Variants in GALNTL6 observed in about 807,000 individuals in gnomAD.
The protein encoded by GALNTL6 is polypeptide N-acetylgalactosaminyltransferase-like 6.
GALNTL6 carries 46 observed loss-of-function variants against 73.7 expected under a neutral mutation model. The observed-to-expected ratio is 0.62, with a 90% CI of 0.49 to 0.80. GALNTL6 has a LOEUF of 0.80. Ranked by LOEUF, GALNTL6 falls within the 30% of genes least tolerant of loss-of-function variation. The pLI is 0.00. For synonymous variants in GALNTL6, 259 were observed against 263.7 expected (o/e 0.98, Z 0.17); for missense variants, 604 against 755.0 (o/e 0.80, Z 2.34).
In GALNTL6 at chr4:172,955,403, G is replaced by A. The variant is rs191273436; in HGVS notation, c.1371+3145G>A. ...TGAGGTAGGAGAATCGCTTGAACCC[G>A]GGAGGTGCCACTGCACTCCAGCCTG... is the stretch of plus-strand genomic sequence containing the variant. On this transcript the variant is annotated intron_variant, in intron 10 of 12. Coordinates refer to ENST00000506823, the MANE Select transcript of GALNTL6 (RefSeq NM_001034845.3). Among the ~76,000 whole-genome samples, 15 of 151,946 alleles carry A rather than the reference G, an allele frequency of 9.9e-5. No homozygotes were observed. In the East Asian group the frequency reaches 2.9e-3, roughly 29 times the overall value.
intron 2 of GALNTL6, among the ~76,000 whole-genome samples, chr4:172,176,608 A>G (rs1267268711): frequency 2.6e-5 from 4 of 151,898 alleles, no homozygotes; most frequent in Non-Finnish European, 5.9e-5. Flanking sequence ...TGGACAACAT[A>G]GTGAGACTCT....
intron 10 of GALNTL6, among the ~76,000 whole-genome samples, chr4:172,973,293 C>A (rs542710740): frequency 1.3e-5 from 2 of 152,172 alleles, no homozygotes; most frequent in Non-Finnish European, 2.9e-5. Flanking sequence ...AACGTGAAAG[C>A]ATTTTAGACA....
At chr4:172,715,097 CAA>C (rs147483524) in intron 5 of GALNTL6, among the ~76,000 whole-genome samples, 3 of 150,268 alleles carry the variant, frequency 2.0e-5, no homozygotes, top group African/African-American at 4.9e-5. Flanking sequence ...ATGATTTCAA[CAA>C]AAAAAAATGG....
intron 5 of GALNTL6, among the ~76,000 whole-genome samples, chr4:172,728,037 C>T (rs35184155): frequency 0.45 from 67,831 of 151,764 alleles, 17,611 homozygotes; most frequent in East Asian, 0.68. Context: ...CTCAGCCTCC[C>T]GACTAGCTGG....
intron 4 of GALNTL6, among the ~76,000 whole-genome samples, chr4:172,329,711 C>A (rs910115975): frequency 1.1e-4 from 17 of 152,148 alleles, no homozygotes; most frequent in African/African-American, 4.1e-4. Flanking sequence ...ACCTCAGACC[C>A]CCTAGAGCCC....
At position 172,476,948 on chromosome 4, in the gene GALNTL6, AGAGT is replaced by A. The variant is rs1456257243; in HGVS notation, c.553+128260_553+128263del. Among the ~76,000 whole-genome samples the A allele has an allele frequency of 3.2e-4, 46 of 141,678 alleles. No individual in the cohort carries two copies. In the East Asian group the frequency reaches 7.6e-3, roughly 23 times the overall value. 92.9% of individuals were successfully genotyped at this position (141,678 alleles called of 152,430 possible). A position where few individuals can be genotyped will look rare whatever the true frequency, so the allele number is the denominator to read the frequency against. ...TTTTTTTTTTTTTTTTTTTTGAGAC[AGAGT>A]CTTGCTCTGTCGCCCAGGCTAGAGT... On this transcript the variant is annotated intron_variant, in intron 5 of 12. Coordinates refer to ENST00000506823, the MANE Select transcript of GALNTL6 (RefSeq NM_001034845.3).
intron 2 of GALNTL6, among the ~76,000 whole-genome samples, chr4:171,940,283 C>CA (rs1467918754): frequency 6.6e-6 from 1 of 151,648 alleles, no homozygotes; most frequent in Non-Finnish European, 1.5e-5. Flanking sequence ...TATTGATAAT[C>CA]AAAGAGTGGG....
intron 5 of GALNTL6, among the ~76,000 whole-genome samples, chr4:172,452,246 G>T (rs1238876188): frequency 2.6e-5 from 4 of 151,668 alleles, no homozygotes; most frequent in Admixed American, 1.3e-4. Flanking sequence ...TAAGACAGAT[G>T]AATCTATACT....
At chr4:172,918,407 T>G (rs1237774785) in intron 8 of GALNTL6, among the ~76,000 whole-genome samples, 1 of 151,902 alleles carries the variant, frequency 6.6e-6, no homozygotes, top group African/African-American at 2.4e-5. Context: ...TAAAATAAAA[T>G]AAAAAATAAA....
chr4:172,957,716 A>C (rs918636411), intron 10 of GALNTL6, among the ~76,000 whole-genome samples: 1 of 152,212 alleles, frequency 6.6e-6, no homozygotes, highest in Non-Finnish European at 1.5e-5. Flanking sequence ...TATGGAAGGC[A>C]TATTTAGAGT....
chr4:172,381,881 C>G (rs1743296922), intron 5 of GALNTL6, among the ~76,000 whole-genome samples: 1 of 152,162 alleles, frequency 6.6e-6, no homozygotes, highest in African/African-American at 2.4e-5. Flanking sequence ...TTTTGAGGAC[C>G]TGCCAAACAA....
intron 5 of GALNTL6, among the ~76,000 whole-genome samples, chr4:172,643,893 C>A (rs145987009): frequency 1.1e-3 from 172 of 151,910 alleles, no homozygotes; most frequent in African/African-American, 3.6e-3. Context: ...ATGAACATTT[C>A]TCTTGAGTAT....
At position 172,745,267 on chromosome 4, in the gene GALNTL6, G is replaced by A. The variant is rs950119024; in HGVS notation, c.554-64094G>A. Among the ~76,000 whole-genome samples the A allele has an allele frequency of 2.0e-5, 3 of 151,920 alleles. 1 individual carries two copies. Among genetic ancestry groups the A allele is most frequent in the Middle Eastern group, 6.8e-3 (2 of 294 alleles). On this transcript the variant is annotated intron_variant, in intron 5 of 12. Transcript: ENST00000506823. ...AGAGGATTTATACAAGCATTGAAAA[G>A]CAGGTTCAAGTTTTGTTCTTGCTGC... is the stretch of plus-strand genomic sequence containing the variant.
intron 5 of GALNTL6, among the ~76,000 whole-genome samples, chr4:172,576,313 C>A (rs901357255): frequency 1.3e-5 from 2 of 152,208 alleles, no homozygotes; most frequent in African/African-American, 4.8e-5. Flanking sequence ...GGTTACCTTA[C>A]AGTCCTCTGC....
chr4:172,623,473 CA>C lies in GALNTL6; in HGVS notation c.554-185884del, dbSNP rs1218181336. ...GAGATAAGATAAAATAGAAACTATCCAAAAGCCAGAAGGACCATGTTTTTAT... is the reference window on the plus strand; with the variant it reads ...GAGATAAGATAAAATAGAAACTATCCAAAGCCAGAAGGACCATGTTTTTAT... On this transcript the variant is annotated intron_variant, in intron 5 of 12. Coordinates refer to ENST00000506823, the MANE Select transcript of GALNTL6 (RefSeq NM_001034845.3). Among the ~76,000 whole-genome samples the C allele has an allele frequency of 9.9e-5, 15 of 151,882 alleles. No homozygotes were observed. In the East Asian group the frequency reaches 2.9e-3, roughly 29 times the overall value.
At chr4:172,733,724 A>G (rs904548354) in intron 5 of GALNTL6, among the ~76,000 whole-genome samples, 7 of 152,168 alleles carry the variant, frequency 4.6e-5, no homozygotes, top group African/African-American at 1.2e-4. Flanking sequence ...GCCTTCCGCC[A>G]TGATTGTGAG....
intron 5 of GALNTL6, among the ~76,000 whole-genome samples, chr4:172,758,297 G>A (rs559077711): frequency 6.6e-6 from 1 of 152,300 alleles, no homozygotes; most frequent in South Asian, 2.1e-4. Context: ...CATTTTGAGA[G>A]GCCAAGGCAG....
chr4:171,834,985 G>A (rs1029778190), intron 2 of GALNTL6, among the ~76,000 whole-genome samples: 1 of 151,868 alleles, frequency 6.6e-6, no homozygotes, highest in South Asian at 2.1e-4. Context: ...AAGAGTGAGA[G>A]GCATCAGAAC....
At chr4:172,362,382 AAACTT>A (rs1742400974) in intron 5 of GALNTL6, among the ~76,000 whole-genome samples, 1 of 50,550 alleles carries the variant, frequency 2.0e-5, no homozygotes. Context: ...ATTATTAAAC[AAACTT>A]AATTTATTTA....
Sources: allele counts gnomAD v4.1 joint callset (sites outside exome capture counted in the v4.1 genomes callset), GRCh38; gene constraint gnomAD v4.1.1; transcripts MANE v1.5; gene names NCBI Gene and HGNC (gene_info 2026-07-23, HGNC 2026-07-21).